The following SLC23A2 variants were observed in gnomAD, a reference collection of about 807,000 sequenced individuals.
The protein encoded by SLC23A2 is solute carrier family 23 member 2, also known as Na(+)/L-ascorbic acid transporter 2.
In SLC23A2, 36 loss-of-function variants were observed where a neutral mutation model predicts 73.3. The observed-to-expected ratio is 0.49, with a 90% CI of 0.38 to 0.65. The LOEUF (loss-of-function observed/expected upper bound fraction) is 0.65, where lower values mean the gene tolerates loss of function less well. Among genes scored for constraint, SLC23A2 ranks in the 30% least tolerant of loss-of-function variants. The probability of loss-of-function intolerance (pLI) is 0.00; values close to 1 mark genes in which losing one functional copy is unlikely to be tolerated. For synonymous variants in SLC23A2, 343 were observed against 327.3 expected (o/e 1.05, Z -0.52); for missense variants, 507 against 841.6 (o/e 0.60, Z 4.92).
intron 1 of SLC23A2, among the ~76,000 whole-genome samples, chr20:4,992,456 T>C (rs1377693862): frequency 6.7e-6 from 1 of 148,776 alleles, no homozygotes; most frequent in Non-Finnish European, 1.5e-5. Context: ...TGAATACCTA[T>C]AAAATTTAGG....
chr20:4,896,702 A>G (rs983636016), intron 6 of SLC23A2, among the ~76,000 whole-genome samples: 1 of 152,114 alleles, frequency 6.6e-6, no homozygotes, highest in Admixed American at 6.5e-5. Context: ...CTAGGCCCCC[A>G]TCACCTTTCT....
At chr20:4,957,819 T>C (rs920370379) in intron 2 of SLC23A2, among the ~76,000 whole-genome samples, 11 of 148,498 alleles carry the variant, frequency 7.4e-5, no homozygotes, top group African/African-American at 2.8e-4. Context: ...GAGAATCCCC[T>C]GAAACCGGAA....
intron 3 of SLC23A2, among the ~76,000 whole-genome samples, chr20:4,920,856 T>A (rs1932480421): frequency 6.6e-6 from 1 of 152,156 alleles, no homozygotes; most frequent in South Asian, 2.1e-4. Context: ...CTCCCTCTAT[T>A]CCCTCAAAGT....
At chr20:4,895,747 C>T (rs1931493802) in intron 6 of SLC23A2, among the ~76,000 whole-genome samples, 1 of 152,164 alleles carries the variant, frequency 6.6e-6, no homozygotes, top group Non-Finnish European at 1.5e-5. Context: ...CTGACTTTCA[C>T]TTGCAATGGC....
Position 4,857,832 on chromosome 20 carries a change from G to A in SLC23A2, c.1721-628C>T, listed in dbSNP as rs921270512. 8.5e-5 allele frequency among the ~76,000 whole-genome samples: 13 copies of A among 152,172 alleles called. No individual in the cohort carries two copies. The highest frequency in any genetic ancestry group is 1.8e-4 in the Non-Finnish European group (12 of 68,034). On this transcript the variant is annotated intron_variant, in intron 16 of 16. Coordinates refer to ENST00000338244, the MANE Select transcript of SLC23A2 (RefSeq NM_005116.6). This position sits in a 1 kb window ranked among gnomAD's most constrained non-coding sequence, Gnocchi z 4.0. ...TGTAATCTTAACTACTCAGGAGGCTGAGACAGGAGAATTGCTTGAACCCGA... is the reference window on the plus strand; with the variant it reads ...TGTAATCTTAACTACTCAGGAGGCTAAGACAGGAGAATTGCTTGAACCCGA...
At chr20:4,886,139 G>T in intron 6 of SLC23A2, 1 of 492,338 alleles carries the variant, frequency 2.0e-6, no homozygotes, top group Non-Finnish European at 3.6e-6. Flanking sequence ...CAGCTCCAGG[G>T]TGGGCCCCGT....
At chr20:5,007,663 A>G (rs1409342564) in intron 1 of SLC23A2, among the ~76,000 whole-genome samples, 2 of 152,292 alleles carry the variant, frequency 1.3e-5, no homozygotes, top group East Asian at 3.9e-4. Flanking sequence ...CTCCATATCT[A>G]TTAGCAGTCA....
chr20:4,946,626 G>T (rs2087122716), intron 2 of SLC23A2, among the ~76,000 whole-genome samples: 1 of 152,164 alleles, frequency 6.6e-6, no homozygotes, highest in African/African-American at 2.4e-5. Flanking sequence ...AGAAGCTCTG[G>T]TACAGACAAG....
chr20:4,948,073 AC>A (rs1221451659), intron 2 of SLC23A2, among the ~76,000 whole-genome samples: 1 of 152,150 alleles, frequency 6.6e-6, no homozygotes, highest in Non-Finnish European at 1.5e-5. Context: ...TCAGTAGGGC[AC>A]TTGGTCACCT....
intron 6 of SLC23A2, among the ~76,000 whole-genome samples, chr20:4,890,780 C>T (rs977063930): frequency 1.3e-5 from 2 of 152,328 alleles, no homozygotes; most frequent in African/African-American, 4.8e-5. Flanking sequence ...GCAGCCTGCA[C>T]TGTTCTATCT....
At position 4,883,456 on chromosome 20, in the gene SLC23A2, G is replaced by A. The variant is rs1043197347; in HGVS notation, c.824+186C>T. Among the ~76,000 whole-genome samples the A allele has an allele frequency of 1.3e-5, 2 of 152,084 alleles. No homozygotes were observed. The highest frequency in any genetic ancestry group is 1.3e-4 in the Admixed American group (2 of 15,282). ...GCTGCTAAGTCTGTCTTTGTAATAC[G>A]TCAACTATATGTCACTTCCCAAACT... On this transcript the variant is annotated intron_variant, in intron 9 of 16. Transcript: ENST00000338244. This position sits in a 1 kb window ranked among gnomAD's most constrained non-coding sequence, Gnocchi z 4.5.
At chr20:4,923,562 A>G (rs192244936) in intron 3 of SLC23A2, among the ~76,000 whole-genome samples, 38 of 152,354 alleles carry the variant, frequency 2.5e-4, no homozygotes, top group African/African-American at 8.2e-4. Flanking sequence ...CGACTCCAGG[A>G]AACAGTCTCT....
At chr20:4,885,171 A>T (rs1417787618) in intron 7 of SLC23A2, among the ~76,000 whole-genome samples, 4 of 152,242 alleles carry the variant, frequency 2.6e-5, no homozygotes, top group African/African-American at 9.6e-5. Context: ...TGAAAAACTT[A>T]GATAAAACAG....
At chr20:4,944,278 C>T (rs1030157382) in intron 2 of SLC23A2, among the ~76,000 whole-genome samples, 3 of 152,134 alleles carry the variant, frequency 2.0e-5, no homozygotes, top group Admixed American at 1.3e-4. Flanking sequence ...CTTGCTCCGT[C>T]GCCCAGGCTG....
chr20:5,002,175 C>T (rs2088138039), upstream of SLC23A2, among the ~76,000 whole-genome samples: 1 of 152,134 alleles, frequency 6.6e-6, no homozygotes, highest in South Asian at 2.1e-4. Context: ...GCAGAAAGGC[C>T]AAGTGTAAAT....
chr20:4,941,705 G>GAA (rs758048954), intron 2 of SLC23A2, among the ~76,000 whole-genome samples: 2 of 129,558 alleles, frequency 1.5e-5, no homozygotes, highest in African/African-American at 2.9e-5. Context: ...CTGTCTCGAG[G>GAA]AAAAAAAAAA....
Position 4,891,415 on chromosome 20 carries a change from G to A in SLC23A2, c.483-5506C>T, listed in dbSNP as rs6038011. Among the ~76,000 whole-genome samples, 1,463 of 152,246 alleles carry A rather than the reference G, an allele frequency of 9.6e-3. 26 individuals are homozygous for A. Among genetic ancestry groups the A allele is most frequent in the African/African-American group, 0.033 (1,373 of 41,540 alleles). ...AAGCTAGAGTTGCAGGAACAAAAGC[G>A]AGTAGACCCGCCTTAGAGAACAAGC... On this transcript the variant is annotated intron_variant, in intron 6 of 16. Transcript: ENST00000338244.
rs201662707 is a variant in SLC23A2, at chr20:4,980,537, CT to C, written c.-281-9619del. Among the ~76,000 whole-genome samples the C allele has an allele frequency of 7.5e-3, 1,089 of 144,356 alleles. 7 individuals are homozygous for C. The highest frequency in any genetic ancestry group is 0.021 in the African/African-American group (833 of 39,624). 94.7% of individuals were successfully genotyped at this position (144,356 alleles called of 152,430 possible). A position where few individuals can be genotyped will look rare whatever the true frequency, so the allele number is the denominator to read the frequency against. On this transcript the variant is annotated intron_variant, in intron 1 of 16. Coordinates refer to ENST00000338244, the MANE Select transcript of SLC23A2 (RefSeq NM_005116.6). ...GCACATTTTACTTTCTTTTTCTTTT[CT>C]TTTTTTTTTTTGAGACGGGGTCTCA...
At chr20:4,917,848 C>T (rs1012378016) in intron 3 of SLC23A2, among the ~76,000 whole-genome samples, 3 of 152,176 alleles carry the variant, frequency 2.0e-5, no homozygotes, top group Non-Finnish European at 4.4e-5. Context: ...GATCTATTTA[C>T]GTGCAGGGGG....
Sources: gnomAD v4.1 joint callset for allele counts (sites outside exome capture counted in the v4.1 genomes callset) on GRCh38, gnomAD v4.1.1 for gene constraint, Gnocchi (gnomAD v3.1) non-coding constraint, MANE v1.5 for transcripts, NCBI Gene and HGNC (gene_info 2026-07-23, HGNC 2026-07-21) for gene names.